CDK14: variants seen among roughly 807,000 people sequenced by gnomAD.
The protein encoded by CDK14 is cyclin-dependent kinase 14.
A neutral mutation model predicts 60.7 loss-of-function variants in CDK14; 34 were observed. The ratio of observed to expected loss-of-function variants is 0.56; its 90% CI spans 0.43 to 0.75. CDK14 has a LOEUF of 0.75. CDK14 is among the 30% of genes least tolerant of loss of function. The probability of loss-of-function intolerance (pLI) is 0.00; values close to 1 mark genes in which losing one functional copy is unlikely to be tolerated. For missense variants in CDK14, 482 were observed against 564.1 expected (o/e 0.85, Z 1.47); for synonymous variants, 197 against 203.7 (o/e 0.97, Z 0.28).
intron 2 of CDK14, among the ~76,000 whole-genome samples, chr7:90,644,442 C>G (rs762159441): frequency 1.3e-5 from 2 of 152,064 alleles, no homozygotes; most frequent in Non-Finnish European, 2.9e-5. Flanking sequence ...GTCTCAGTGC[C>G]GGGAAGGTGA....
intron 5 of CDK14, among the ~76,000 whole-genome samples, chr7:90,828,151 G>T (rs1034003379): frequency 6.6e-6 from 1 of 152,156 alleles, no homozygotes; most frequent in East Asian, 1.9e-4. Flanking sequence ...AATTATGTCT[G>T]TATTTAAAAC....
At chr7:90,637,487 G>T (rs1291891500) in intron 2 of CDK14, among the ~76,000 whole-genome samples, 7 of 151,370 alleles carry the variant, frequency 4.6e-5, no homozygotes, top group Admixed American at 4.6e-4. Flanking sequence ...TGATTGCACT[G>T]TGGTCTGAGA....
chr7:91,091,721 AGAAG>A lies in CDK14; in HGVS notation c.1154+12282_1154+12285del, dbSNP rs869034752. Among the ~76,000 whole-genome samples, 354 of 103,794 alleles carry A rather than the reference AGAAG, an allele frequency of 3.4e-3. 1 individual carries two copies. The highest frequency in any genetic ancestry group is 0.012 in the South Asian group (32 of 2,760). 68.1% of individuals were successfully genotyped at this position (103,794 alleles called of 152,430 possible). A position where few individuals can be genotyped will look rare whatever the true frequency, so the allele number is the denominator to read the frequency against. On this transcript the variant is annotated intron_variant, in intron 12 of 14. Transcript: ENST00000380050. Reference sequence around the variant, plus strand: ...AGGAAGGAAGGAGGGAGGGAAGGAAAGAAGGAAGGAAGGAAGGAAGGAAGGAAGG... The same window carrying A: ...AGGAAGGAAGGAGGGAGGGAAGGAAAGAAGGAAGGAAGGAAGGAAGGAAGG...
intron 2 of CDK14, among the ~76,000 whole-genome samples, chr7:90,699,424 G>A (rs1162827617): frequency 6.6e-6 from 1 of 152,220 alleles, no homozygotes; most frequent in Non-Finnish European, 1.5e-5. Context: ...TAGCCCTGCA[G>A]CAACCCTCTT....
Position 90,811,088 on chromosome 7 carries a change from A to G in CDK14, c.544+20436A>G, listed in dbSNP as rs570309239. Among the ~76,000 whole-genome samples the G allele has an allele frequency of 1.4e-4, 21 of 152,334 alleles. 1 individual carries two copies. In the South Asian group the frequency reaches 1.7e-3, roughly 12 times the overall value. On this transcript the variant is annotated intron_variant, in intron 5 of 14. Coordinates refer to ENST00000380050, the MANE Select transcript of CDK14 (RefSeq NM_001287135.2). ...TGCCATCCCCATCAAGCTACCAATG[A>G]CTTTCTTCACAGAACTGGAAAAAAC...
At chr7:91,031,536 A>G (rs117596973) in intron 10 of CDK14, among the ~76,000 whole-genome samples, 2,425 of 152,354 alleles carry the variant, frequency 0.016, 24 homozygotes, top group Non-Finnish European at 0.022. Flanking sequence ...AATGTAGAGA[A>G]TAATGAACAT....
intron 11 of CDK14, among the ~76,000 whole-genome samples, chr7:91,075,730 G>A (rs1375822690): frequency 6.6e-6 from 1 of 152,178 alleles, no homozygotes; most frequent in Non-Finnish European, 1.5e-5. Flanking sequence ...TATTGTATCA[G>A]CCCAAAAACT....
chr7:91,199,002 A>G (rs1802635609), intron 14 of CDK14, among the ~76,000 whole-genome samples: 1 of 152,126 alleles, frequency 6.6e-6, no homozygotes, highest in East Asian at 1.9e-4. Context: ...AAAAATGCAC[A>G]CTCTGGGGAG....
At chr7:90,825,232 C>A (rs1789682151) in intron 5 of CDK14, among the ~76,000 whole-genome samples, 2 of 152,310 alleles carry the variant, frequency 1.3e-5, no homozygotes, top group Non-Finnish European at 2.9e-5. Context: ...GAGTCACCTA[C>A]TGCAGGGCAG....
intron 1 of CDK14, among the ~76,000 whole-genome samples, chr7:90,601,444 G>A (rs2116310540): frequency 6.6e-6 from 1 of 152,320 alleles, no homozygotes; most frequent in African/African-American, 2.4e-5. Context: ...TGTCAGTCTA[G>A]CAGTGAATGA....
At chr7:91,112,181 A>C (rs967741296) in intron 12 of CDK14, among the ~76,000 whole-genome samples, 1 of 152,162 alleles carries the variant, frequency 6.6e-6, no homozygotes, top group African/African-American at 2.4e-5. Flanking sequence ...TTTTCTATAA[A>C]TATATCCAGA....
chr7:90,668,516 T>C (rs1002400165), intron 2 of CDK14, among the ~76,000 whole-genome samples: 16 of 152,166 alleles, frequency 1.1e-4, no homozygotes. Context: ...ATTTTGATTA[T>C]GTCCAATTTG....
intron 10 of CDK14, among the ~76,000 whole-genome samples, chr7:91,026,523 T>C (rs1259099911): frequency 2.6e-5 from 4 of 152,194 alleles, no homozygotes; most frequent in Admixed American, 2.6e-4. Flanking sequence ...TAGAGTATCT[T>C]TGATCTTCAT....
chr7:90,985,839 A>G (rs1483610197), intron 10 of CDK14, among the ~76,000 whole-genome samples: 1 of 152,198 alleles, frequency 6.6e-6, no homozygotes, highest in Non-Finnish European at 1.5e-5. Flanking sequence ...TTGTTCTTTC[A>G]GAAACCATCT....
chr7:90,729,365 TTTTTTTC>T (rs965284479), intron 3 of CDK14, among the ~76,000 whole-genome samples: 8 of 131,082 alleles, frequency 6.1e-5, no homozygotes, highest in East Asian at 2.1e-4. Flanking sequence ...TTTTTTTTTT[TTTTTTTC>T]CCCACTCATC....
intron 11 of CDK14, among the ~76,000 whole-genome samples, chr7:91,063,106 T>C (rs1177378720): frequency 1.3e-5 from 2 of 152,192 alleles, no homozygotes; most frequent in East Asian, 3.8e-4. Context: ...GGAGTGATTA[T>C]TTGCTGAATA....
intron 3 of CDK14, among the ~76,000 whole-genome samples, chr7:90,739,466 G>T (rs755211787): frequency 2.2e-4 from 34 of 152,012 alleles, no homozygotes; most frequent in Non-Finnish European, 4.7e-4. Context: ...CAAGTAGTAA[G>T]TTTAATATGG....
At chr7:91,023,109 T>C (rs747354257) in intron 10 of CDK14, among the ~76,000 whole-genome samples, 1 of 152,208 alleles carries the variant, frequency 6.6e-6, no homozygotes, top group Non-Finnish European at 1.5e-5. Context: ...TGTTTCTTGA[T>C]TTCCTCATGC....
chr7:90,771,610 T>G (rs1055150682), intron 4 of CDK14, among the ~76,000 whole-genome samples: 4 of 152,134 alleles, frequency 2.6e-5, no homozygotes, highest in Non-Finnish European at 4.4e-5. Flanking sequence ...TGCTGATTGG[T>G]TTATGGATAG....
Sources: gnomAD v4.1 joint callset for allele counts (sites outside exome capture counted in the v4.1 genomes callset) on GRCh38, gnomAD v4.1.1 for gene constraint, MANE v1.5 for transcripts, NCBI Gene and HGNC (gene_info 2026-07-23, HGNC 2026-07-21) for gene names.